The following SVEP1 variants were observed in gnomAD, a reference collection of about 807,000 sequenced individuals.
The protein encoded by SVEP1 is sushi, von Willebrand factor type A, EGF and pentraxin domain containing 1.
In SVEP1, 164 loss-of-function variants were observed where a neutral mutation model predicts 367.3. That is an observed-to-expected ratio of 0.45 (90% CI 0.39 to 0.51). The LOEUF is 0.51. Among genes scored for constraint, SVEP1 ranks in the 20% least tolerant of loss-of-function variants. The probability of loss-of-function intolerance (pLI) is 0.00; values close to 1 mark genes in which losing one functional copy is unlikely to be tolerated. For missense variants in SVEP1, 4,117 were observed against 4,425.3 expected (o/e 0.93, Z 1.98); for synonymous variants, 1,666 against 1,611.6 (o/e 1.03, Z -0.81).
chr9:110,476,319 C>T lies in SVEP1; in HGVS notation c.2488-4G>A. The T allele has an allele frequency of 6.2e-7, 1 of 1,606,036 alleles. No homozygotes were observed. The highest frequency in any genetic ancestry group is 8.5e-7 in the Non-Finnish European group (1 of 1,173,788). ...CATCACTACAAAATGATGGGACCTG[C>T]AAGTAAAAAATGAAGAGGATAAAGT... On this transcript the variant is annotated splice_region_variant and splice_polypyrimidine_tract_variant and intron_variant, in intron 13 of 47. Transcript: ENST00000374469.
At chr9:110,553,945 T>C (rs1442758000) in intron 1 of SVEP1, among the ~76,000 whole-genome samples, 1 of 152,180 alleles carries the variant, frequency 6.6e-6, no homozygotes, top group East Asian at 1.9e-4. Context: ...TACTTTTCCT[T>C]AATGCTTATA....
chr9:110,472,231 C>A lies in SVEP1; in HGVS notation c.2692G>T (p.Ala898Ser). 1 of 1,613,512 alleles carries A rather than the reference C, an allele frequency of 6.2e-7. No individual in the cohort carries two copies. The highest frequency in any genetic ancestry group is 8.5e-7 in the Non-Finnish European group (1 of 1,179,762). The part of the protein sequence containing the change: ...VQETATSIGN[A>S]KSSRIKRSAP... ...CTTCTTTTAATCCGTGAGGACTTGG[C>A]ATTGCCGATGCTTGTGGCTGTTTCT... The change falls in exon 15 of 48, where the codon GCC becomes TCC. Residue 898 changes from alanine (A) to serine (S), a missense_variant. This residue lies in a region of SVEP1 where 2,174 missense variants were observed against 2,494.3 expected (regional missense o/e 0.87). Transcript: ENST00000374469.
rs1334697275 is a variant in SVEP1, at chr9:110,579,026, A to C, written c.518T>G (p.Phe173Cys). 2 of 1,546,496 alleles carry C rather than the reference A, an allele frequency of 1.3e-6. No individual in the cohort carries two copies. Among genetic ancestry groups the C allele is most frequent in the Admixed American group, 2.0e-5 (1 of 50,880 alleles). The change falls in exon 1 of 48, where the codon TTC (phenylalanine) becomes TGC (cysteine). Residue 173 changes from phenylalanine (F) to cysteine (C), a missense_variant. Around this residue, in one of 4 missense-constraint regions of SVEP1, gnomAD observed 2,174 missense variants for 2,494.3 expected, o/e 0.87. Transcript: ENST00000374469. The surrounding 1 kb of genome is among the most constrained non-coding windows in gnomAD (Gnocchi z 5.3). ...CGGGCGCCTTACCGCGGCTTGCTGG[A>C]AGGCGCCCTTGGTGTAGGTGCCGCC... is the stretch of plus-strand genomic sequence containing the variant. ...RGGGTYTKGA[F>C]QQAAQILLHA...
chr9:110,516,948 G>T (rs1258512730), intron 3 of SVEP1, among the ~76,000 whole-genome samples: 1 of 152,108 alleles, frequency 6.6e-6, no homozygotes, highest in African/African-American at 2.4e-5. Context: ...AATATTGCAA[G>T]CTTATAGGAA....
intron 36 of SVEP1, among the ~76,000 whole-genome samples, chr9:110,413,734 G>T (rs957692243): frequency 3.0e-4 from 46 of 151,792 alleles, no homozygotes; most frequent in Non-Finnish European, 2.5e-4. Context: ...AAAAGATTAG[G>T]ATATACAGTA....
chr9:110,579,724 G>A lies in SVEP1; in HGVS notation c.-181C>T, dbSNP rs533551966. On this transcript the variant is annotated 5_prime_UTR_variant, in exon 1 of 48. Transcript: ENST00000374469. This position sits in a 1 kb window ranked among gnomAD's most constrained non-coding sequence, Gnocchi z 5.3. ...CACAATCCAGACTCCTCAGCAGCTC[G>A]GGAACTCCGGAGGGAACGGCGCGCG... 3.0e-5 allele frequency: 21 copies of A among 694,206 alleles called. No homozygotes were observed. In the South Asian group the frequency reaches 4.6e-4, roughly 15 times the overall value. The allele number at this position is 694,206 out of a possible 1,614,324, so 43.0% of individuals were successfully genotyped here.
intron 1 of SVEP1, among the ~76,000 whole-genome samples, chr9:110,568,203 A>C (rs140317131): frequency 1.2e-4 from 19 of 152,354 alleles, no homozygotes; most frequent in African/African-American, 4.6e-4. Context: ...CAGAGCCTAG[A>C]TGGAAACATC....
intron 36 of SVEP1, among the ~76,000 whole-genome samples, chr9:110,416,965 T>C (rs1386789757): frequency 1.3e-5 from 2 of 152,062 alleles, no homozygotes; most frequent in African/African-American, 2.4e-5. Context: ...TCTCCAGACA[T>C]TGCCAGATGT....
intron 3 of SVEP1, among the ~76,000 whole-genome samples, chr9:110,541,205 T>C (rs1830140958): frequency 6.6e-6 from 1 of 152,164 alleles, no homozygotes; most frequent in South Asian, 2.1e-4. Flanking sequence ...CAAATATAAC[T>C]CATCTCAGCA....
intron 3 of SVEP1, among the ~76,000 whole-genome samples, chr9:110,525,970 ACAAT>A (rs1357072654): frequency 6.6e-6 from 1 of 152,182 alleles, no homozygotes. Context: ...TGGTTTTGAA[ACAAT>A]CAGACATCCG....
intron 40 of SVEP1, among the ~76,000 whole-genome samples, chr9:110,398,116 A>G (rs1159401033): frequency 6.6e-6 from 1 of 151,852 alleles, no homozygotes; most frequent in Non-Finnish European, 1.5e-5. Context: ...AGTAACCAAA[A>G]CAGCATGGTA....
chr9:110,538,119 C>A (rs1005659685), intron 3 of SVEP1, among the ~76,000 whole-genome samples: 4 of 151,810 alleles, frequency 2.6e-5, no homozygotes, highest in African/African-American at 9.7e-5. Context: ...TGCTTCACAC[C>A]AATAGTCTAA....
In SVEP1 at chr9:110,408,348, A is replaced by C; in HGVS notation, c.7252T>G (p.Ser2418Ala). 6.2e-7 allele frequency: 1 copy of C among 1,613,940 alleles called. No homozygotes were observed. The change falls in exon 38 of 48, where the codon TCT becomes GCT. Residue 2418 changes from serine (S) to alanine (A), a missense_variant. Physicochemically the swap from Ser to Ala is moderately conservative, Grantham distance 99. Transcript: ENST00000374469. ...CCATCAGGTTGGCAGAGGGTGGTAG[A>C]ATTTCCTCTTAGGAAAAACCCACCT... ...CVGGFFLRGN[S>A]TTLCQPDGTW...
At chr9:110,528,593 T>C (rs1272506058) in intron 3 of SVEP1, among the ~76,000 whole-genome samples, 2 of 152,008 alleles carry the variant, frequency 1.3e-5, no homozygotes, top group Non-Finnish European at 1.5e-5. Context: ...TTGTTGGCCA[T>C]TTATATATCT....
At chr9:110,546,349 C>T (rs1588102663) in intron 2 of SVEP1, 58 bp from the exon 3 acceptor site, 1 of 1,505,550 alleles carries the variant, frequency 6.6e-7, no homozygotes, top group East Asian at 2.5e-5. Flanking sequence ...ATGTTACATT[C>T]TCTGGTCATT....
chr9:110,441,856 G>A (rs1828514199), intron 27 of SVEP1, among the ~76,000 whole-genome samples: 1 of 152,046 alleles, frequency 6.6e-6, no homozygotes, highest in South Asian at 2.1e-4. Context: ...TACCCTTCCT[G>A]CCATCTCCCC....
chr9:110,453,594 G>A (rs554285993), intron 22 of SVEP1, among the ~76,000 whole-genome samples: 60 of 142,186 alleles, frequency 4.2e-4, no homozygotes, highest in African/African-American at 1.4e-3. Context: ...GGCCAGGGGC[G>A]GGGTGGCTCA....
intron 1 of SVEP1, among the ~76,000 whole-genome samples, chr9:110,576,768 A>C (rs1027315217): frequency 6.6e-6 from 1 of 152,112 alleles, no homozygotes; most frequent in African/African-American, 2.4e-5. Context: ...TACAGGACTT[A>C]ACTTCTAAAA....
At chr9:110,404,651 T>TA (rs1827926666) in intron 38 of SVEP1, 99 bp from the exon 39 acceptor site, 1 of 1,107,524 alleles carries the variant, frequency 9.0e-7, no homozygotes, top group Admixed American at 1.9e-5. Flanking sequence ...TCAGTAGATA[T>TA]TTTGTGCAAC....
Sources: allele counts gnomAD v4.1 joint callset (sites outside exome capture counted in the v4.1 genomes callset), GRCh38; gene constraint gnomAD v4.1.1; regional missense constraint gnomAD v4.1.1; non-coding constraint Gnocchi (gnomAD v3.1); transcripts MANE v1.5; gene names NCBI Gene and HGNC (gene_info 2026-07-23, HGNC 2026-07-21).